Variants in CNNM2 observed in about 807,000 individuals in gnomAD.
CNNM2 encodes cyclin and CBS domain divalent metal cation transport mediator 2.
A neutral mutation model predicts 66.9 loss-of-function variants in CNNM2; 12 were observed. That is an observed-to-expected ratio of 0.18 (90% CI 0.11 to 0.29). The LOEUF (loss-of-function observed/expected upper bound fraction) is 0.29, where lower values mean the gene tolerates loss of function less well. Ranked by LOEUF, CNNM2 falls within the 10% of genes least tolerant of loss-of-function variation. The pLI, the probability that CNNM2 is intolerant of heterozygous loss-of-function variation, is 1.00. For missense variants in CNNM2, 705 were observed against 1,167.7 expected (o/e 0.60, Z 5.77); for synonymous variants, 557 against 501.8 (o/e 1.11, Z -1.47).
intron 1 of CNNM2, among the ~76,000 whole-genome samples, chr10:102,952,913 A>G (rs1846894685): frequency 6.6e-6 from 1 of 152,082 alleles, no homozygotes; most frequent in Non-Finnish European, 1.5e-5. Context: ...GTTGGTAAGA[A>G]CTCTGTATGT....
chr10:103,028,147 G>T (rs1016854638), intron 1 of CNNM2, among the ~76,000 whole-genome samples: 2 of 152,160 alleles, frequency 1.3e-5, no homozygotes, highest in Non-Finnish European at 2.9e-5. Context: ...GTTCCATAAG[G>T]CATTTGTAGT....
chr10:102,934,150 T>C (rs1846152364), intron 1 of CNNM2, among the ~76,000 whole-genome samples: 2 of 150,598 alleles, frequency 1.3e-5, no homozygotes, highest in Admixed American at 6.7e-5. Flanking sequence ...CATAAAAGAG[T>C]AAGTTTTCTG....
At chr10:102,938,176 C>G (rs1846308002) in intron 1 of CNNM2, among the ~76,000 whole-genome samples, 1 of 151,506 alleles carries the variant, frequency 6.6e-6, no homozygotes, top group Admixed American at 6.6e-5. Flanking sequence ...TGGCACGTAC[C>G]TGTAATCCCA....
chr10:102,920,115 GTC>G lies in CNNM2; in HGVS notation c.1621+18_1621+19del, dbSNP rs760447162. ...AATTTAAGAAAGGTGGGAAATTTTG[GTC>G]TCTTTCATTGGCTTGCTCTTTCTCT... On this transcript the variant is annotated intron_variant, in intron 1 of 7. Transcript: ENST00000369878. 8.7e-6 allele frequency: 14 copies of G among 1,614,042 alleles called. No homozygotes were observed. In the African/African-American group the frequency reaches 1.7e-4, roughly 20 times the overall value.
intron 1 of CNNM2, among the ~76,000 whole-genome samples, chr10:103,047,209 A>G (rs1241220830): frequency 6.6e-6 from 1 of 152,232 alleles, no homozygotes; most frequent in African/African-American, 2.4e-5. Flanking sequence ...GAAAAAGGTG[A>G]ATGTCAGCAG....
At chr10:102,993,502 T>A (rs1020413150) in intron 1 of CNNM2, among the ~76,000 whole-genome samples, 9 of 152,218 alleles carry the variant, frequency 5.9e-5, no homozygotes, top group African/African-American at 2.2e-4. Flanking sequence ...CAAAGAGAAT[T>A]CTATTATCTG....
chr10:103,070,334 G>C (rs966658994), intron 5 of CNNM2, among the ~76,000 whole-genome samples: 15 of 152,060 alleles, frequency 9.9e-5, no homozygotes, highest in Admixed American at 2.0e-4. Context: ...GAGGCCCTTG[G>C]TCTCATCCTT....
intron 1 of CNNM2, among the ~76,000 whole-genome samples, chr10:103,041,896 G>A (rs2065046993): frequency 1.3e-5 from 2 of 151,876 alleles, no homozygotes; most frequent in Non-Finnish European, 2.9e-5. Flanking sequence ...GGCTCTTTTC[G>A]CCATCCATGG....
chr10:103,089,980 C>G lies in CNNM2; in HGVS notation c.*12800C>G. 2 of 1,271,100 alleles carry G rather than the reference C, an allele frequency of 1.6e-6. No homozygotes were observed. The highest frequency in any genetic ancestry group is 2.2e-6 in the Non-Finnish European group (2 of 922,056). 78.7% of individuals were successfully genotyped at this position (1,271,100 alleles called of 1,614,324 possible). On this transcript the variant is annotated 3_prime_UTR_variant, in exon 8 of 8. Transcript: ENST00000369878. ...AGCTACTCCCCAAATCCTAACCCCT[C>G]TCCTCTGTTAGGTGGCCATGCAATT...
chr10:102,970,224 G>A (rs2063528268), intron 1 of CNNM2, among the ~76,000 whole-genome samples: 1 of 152,226 alleles, frequency 6.6e-6, no homozygotes, highest in African/African-American at 2.4e-5. Context: ...GTTGAGGTGG[G>A]AGGATTGTTT....
chr10:103,054,597 G>T lies in CNNM2; in HGVS notation c.1903+131G>T. ...ATAAGTAATGCCACTTTTGTGTTTTGTTTTTTTTGTTTTTTTGTTTTGTTT... is the reference window on the plus strand; with the variant it reads ...ATAAGTAATGCCACTTTTGTGTTTTTTTTTTTTTGTTTTTTTGTTTTGTTT... On this transcript the variant is annotated intron_variant, in intron 3 of 7. Coordinates refer to ENST00000369878, the MANE Select transcript of CNNM2 (RefSeq NM_017649.5). This position sits in a 1 kb window ranked among gnomAD's most constrained non-coding sequence, Gnocchi z 5.2. The T allele has an allele frequency of 2.5e-5, 19 of 746,600 alleles. No homozygotes were observed. The highest frequency in any genetic ancestry group is 6.0e-5 in the South Asian group (2 of 33,380). 46.2% of individuals were successfully genotyped at this position (746,600 alleles called of 1,614,324 possible).
intron 1 of CNNM2, among the ~76,000 whole-genome samples, chr10:102,999,250 T>C (rs2064067659): frequency 6.7e-6 from 1 of 149,290 alleles, no homozygotes; most frequent in Non-Finnish European, 1.5e-5. Context: ...TTTTTTTTTT[T>C]TTTTTGTATT....
chr10:103,034,256 G>A (rs1465774646), intron 1 of CNNM2, among the ~76,000 whole-genome samples: 3 of 150,710 alleles, frequency 2.0e-5, no homozygotes, highest in African/African-American at 4.9e-5. Context: ...AGGTCATCAG[G>A]AAGGACTTCC....
rs144952055 is a variant in CNNM2, at chr10:102,989,665, T to C, written c.1622-60042T>C. ...TAAAAATACAAAAATTAGCCAGGCA[T>C]GGTGGCGCATCCTTGTGGTCCCAGC... On this transcript the variant is annotated intron_variant, in intron 1 of 7. Coordinates refer to ENST00000369878, the MANE Select transcript of CNNM2 (RefSeq NM_017649.5). Among the ~76,000 whole-genome samples the C allele has an allele frequency of 0.012, 1,783 of 151,828 alleles. 33 individuals are homozygous for C. Among genetic ancestry groups the C allele is most frequent in the African/African-American group, 0.04 (1,661 of 41,440 alleles).
intron 1 of CNNM2, among the ~76,000 whole-genome samples, chr10:102,987,863 CA>C (rs1178796241): frequency 6.6e-6 from 1 of 152,064 alleles, no homozygotes; most frequent in African/African-American, 2.4e-5. Flanking sequence ...ATTAAGGTTC[CA>C]AAGATAATGA....
At chr10:103,032,642 C>T (rs2134303716) in intron 1 of CNNM2, among the ~76,000 whole-genome samples, 1 of 142,240 alleles carries the variant, frequency 7.0e-6, no homozygotes, top group African/African-American at 2.6e-5. Flanking sequence ...AGTAGCCTTT[C>T]ATAACAATTG....
chr10:103,051,180 T>G (rs559073294), intron 2 of CNNM2, among the ~76,000 whole-genome samples: 37 of 152,240 alleles, frequency 2.4e-4, no homozygotes, highest in African/African-American at 8.9e-4. Context: ...ATTTTAAAAT[T>G]GAGAAAGTTT....
intron 4 of CNNM2, among the ~76,000 whole-genome samples, chr10:103,060,958 A>T (rs1224514418): frequency 1.3e-5 from 2 of 152,242 alleles, no homozygotes; most frequent in Admixed American, 1.3e-4. Context: ...ATAAAAGTCT[A>T]TTATTAAATA....
intron 1 of CNNM2, among the ~76,000 whole-genome samples, chr10:102,979,946 C>T (rs1315818987): frequency 6.6e-6 from 1 of 151,058 alleles, no homozygotes; most frequent in Non-Finnish European, 1.5e-5. Context: ...CATATTCTTG[C>T]TGGATCACCC....
Sources: allele counts gnomAD v4.1 joint callset (sites outside exome capture counted in the v4.1 genomes callset), GRCh38; gene constraint gnomAD v4.1.1; non-coding constraint Gnocchi (gnomAD v3.1); transcripts MANE v1.5; gene names NCBI Gene and HGNC (gene_info 2026-07-23, HGNC 2026-07-21).